Variants in EVC observed in about 807,000 individuals in gnomAD.
EVC encodes the protein evC complex member EVC.
In EVC, 116 loss-of-function variants were observed where a neutral mutation model predicts 118.9. That is an observed-to-expected ratio of 0.98 (90% confidence interval 0.84 to 1.14). The LOEUF is 1.14. Ranked by LOEUF, EVC falls within the 50% of genes most tolerant of loss-of-function variation. The pLI, the probability that EVC is intolerant of heterozygous loss-of-function variation, is 0.00. For missense variants in EVC, 1,401 were observed against 1,246.4 expected (o/e 1.12, Z -1.87); for synonymous variants, 619 against 534.7 (o/e 1.16, Z -2.18).
chr4:5,804,189 C>T (rs893634556), intron 16 of EVC, among the ~76,000 whole-genome samples: 6 of 152,150 alleles, frequency 3.9e-5, no homozygotes, highest in Admixed American at 2.0e-4. Context: ...CCACCCATCT[C>T]GGCCTCCCAA....
chr4:5,800,860 C>T (rs528117782), intron 15 of EVC, among the ~76,000 whole-genome samples: 19 of 152,132 alleles, frequency 1.2e-4, no homozygotes, highest in East Asian at 7.7e-4. Flanking sequence ...CTCCGCGCCG[C>T]GCCACACCTG....
At position 5,811,260 on chromosome 4, in the gene EVC, T is replaced by C; in HGVS notation, c.*223T>C. 1.9e-6 allele frequency: 1 copy of C among 522,154 alleles called. No homozygotes were observed. Among genetic ancestry groups the C allele is most frequent in the African/African-American group, 1.9e-5 (1 of 52,140 alleles). The allele number at this position is 522,154 out of a possible 1,614,324, so 32.3% of individuals were successfully genotyped here. A position where few individuals can be genotyped will look rare whatever the true frequency, so the allele number is the denominator to read the frequency against. ...GTCTTGGAAACACGTCTCTGTGAGT[T>C]TGCATTTCATTTGGCTTGGAGCCCT... is the stretch of plus-strand genomic sequence containing the variant. On this transcript the variant is annotated 3_prime_UTR_variant, in exon 21 of 21. Transcript: ENST00000264956.
At chr4:5,760,094 T>A (rs1053474479) in intron 11 of EVC, among the ~76,000 whole-genome samples, 1 of 152,102 alleles carries the variant, frequency 6.6e-6, no homozygotes, top group African/African-American at 2.4e-5. Flanking sequence ...GATCTGCATT[T>A]ATCTCAATGA....
Position 5,729,370 on chromosome 4 carries a change from C to A in EVC, c.364C>A (p.Pro122Thr). The A allele has an allele frequency of 6.2e-7, 1 of 1,614,056 alleles. No homozygotes were observed. ...AFALKAKVIY[P>T]INQKFRPLAD... ...CGCCCTGAAGGCCAAAGTCATCTAC[C>A]CCATCAATCAGAAGTTCCGGGTGAG... Residue 122 changes from proline to threonine, a missense_variant, in exon 3 of 21, where the codon CCC (proline) becomes ACC (threonine). Physicochemically the swap from Pro to Thr is conservative, Grantham distance 38 (BLOSUM62 -1). Transcript: ENST00000264956.
At chr4:5,774,691 CTG>C (rs1181274327) in intron 11 of EVC, among the ~76,000 whole-genome samples, 2 of 152,158 alleles carry the variant, frequency 1.3e-5, no homozygotes, top group East Asian at 3.9e-4. Context: ...TTTGCCTGGG[CTG>C]TGTGTGCTTC....
chr4:5,814,089 G>A lies in EVC; in HGVS notation c.*3052G>A, dbSNP rs1053865346. The A allele has an allele frequency of 6.6e-6, 1 of 152,350 alleles. No individual in the cohort carries two copies. The highest frequency in any genetic ancestry group is 2.4e-5 in the African/African-American group (1 of 41,474). The allele number at this position is 152,350 out of a possible 1,614,324, so 9.4% of individuals were successfully genotyped here. A position where few individuals can be genotyped will look rare whatever the true frequency, so the allele number is the denominator to read the frequency against. ...AAGGCTTGAAGGACGGAAGGGCTGA[G>A]CCACATGAAGGCAGCACTCAGGGCC... is the stretch of plus-strand genomic sequence containing the variant. On this transcript the variant is annotated 3_prime_UTR_variant, in exon 21 of 21. Coordinates refer to ENST00000264956, the MANE Select transcript of EVC (RefSeq NM_153717.3).
chr4:5,801,655 G>C, intron 15 of EVC: 4 of 360,460 alleles, frequency 1.1e-5, no homozygotes, highest in South Asian at 9.8e-5. Context: ...CTAGGCAACA[G>C]AGTGAGTCTC....
At chr4:5,770,420 G>A (rs940257379) in intron 11 of EVC, among the ~76,000 whole-genome samples, 2 of 152,118 alleles carry the variant, frequency 1.3e-5, no homozygotes, top group African/African-American at 4.8e-5. Flanking sequence ...ACATACCAGG[G>A]GCCAAGGACA....
rs971917110 is a variant in EVC at position 5,731,215 on chromosome 4, G to C, written c.385-210G>C. 6.6e-6 allele frequency among the ~76,000 whole-genome samples: 1 copy of C among 152,018 alleles called. No individual in the cohort carries two copies. Among genetic ancestry groups the C allele is most frequent in the East Asian group, 1.9e-4 (1 of 5,164 alleles). On this transcript the variant is annotated intron_variant, in intron 3 of 20. Transcript: ENST00000264956. This position sits in a 1 kb window ranked among gnomAD's most constrained non-coding sequence, Gnocchi z 5.6. The stretch of plus-strand genomic sequence containing the variant: ...TGGTGCAGAGGGGCTGGCCTTGTGA[G>C]GACAAGTGAACTGTGATTCGGGCCT...
chr4:5,793,803 A>AGTCAG, intron 13 of EVC, 86 bp downstream of exon 13: 1 of 1,012,392 alleles, frequency 9.9e-7, no homozygotes, highest in Non-Finnish European at 1.5e-6. Context: ...TACAGTGGGC[A>AGTCAG]CGCTGACTGC....
chr4:5,722,347 A>G (rs1725099637), intron 2 of EVC, among the ~76,000 whole-genome samples: 1 of 152,196 alleles, frequency 6.6e-6, no homozygotes, highest in Non-Finnish European at 1.5e-5. Context: ...GCAGATGCCC[A>G]TTATCAAGCT....
At chr4:5,821,658 C>T in the EVC span, 10 of 1,091,600 alleles carry the variant, frequency 9.2e-6, no homozygotes, top group African/African-American at 1.6e-5. This position sits in a 1 kb window ranked among gnomAD's most constrained non-coding sequence, Gnocchi z 4.4. Flanking sequence ...CCCCTCCCTC[C>T]ATCAGCACCA....
chr4:5,713,342 C>G (rs1545788), intron 1 of EVC, among the ~76,000 whole-genome samples: 103,220 of 152,030 alleles, frequency 0.68, 35,997 homozygotes, highest in African/African-American at 0.84. Flanking sequence ...CAATATGATT[C>G]TCCTGATTAA....
Position 5,752,130 on chromosome 4 carries a change from G to C in EVC, c.1099-706G>C, listed in dbSNP as rs557807743. Among the ~76,000 whole-genome samples the C allele has an allele frequency of 5.5e-4, 84 of 152,240 alleles. No individual in the cohort carries two copies. The South Asian group carries it at 0.01, about 19-fold the overall frequency. On this transcript the variant is annotated intron_variant, in intron 8 of 20. Transcript: ENST00000264956. ...AGGTGCCTAGGCCTGAGCTGGGCGT[G>C]GCTGGGAGTGGGGGGTGCAGAGTCT... is the stretch of plus-strand genomic sequence containing the variant.
In EVC at chr4:5,809,582, A is replaced by G. The variant is rs780194870; in HGVS notation, c.2753A>G (p.Lys918Arg). 1 of 1,614,186 alleles carries G rather than the reference A, an allele frequency of 6.2e-7. No homozygotes were observed. Among genetic ancestry groups the G allele is most frequent in the South Asian group, 1.1e-5 (1 of 91,084 alleles). ...ALARVPLAES[K>R]LLPAKRGLLE... Reference sequence around the variant, plus strand: ...GCCCGAGTGCCCCTTGCTGAAAGCAAACTGTTGCCTGCTAAGCGTGGGCTG... The same window carrying G: ...GCCCGAGTGCCCCTTGCTGAAAGCAGACTGTTGCCTGCTAAGCGTGGGCTG... Residue 918 changes from lysine (K) to arginine (R), a missense_variant, in exon 19 of 21, where the codon AAA becomes AGA. Coordinates refer to ENST00000264956, the MANE Select transcript of EVC (RefSeq NM_153717.3).
intron 13 of EVC, among the ~76,000 whole-genome samples, chr4:5,794,664 G>A (rs759867533): frequency 1.3e-5 from 2 of 151,756 alleles, no homozygotes; most frequent in Non-Finnish European, 2.9e-5. Flanking sequence ...ACCCACCTCA[G>A]CCTTCCAAAG....
chr4:5,720,998 CTG>C (rs1327444648), intron 2 of EVC, among the ~76,000 whole-genome samples: 1 of 152,104 alleles, frequency 6.6e-6, no homozygotes. Context: ...CCACGTGTGT[CTG>C]TGTATGTCCC....
intron 4 of EVC, among the ~76,000 whole-genome samples, chr4:5,732,932 C>A (rs1210424102): frequency 1.3e-5 from 2 of 152,180 alleles, no homozygotes; most frequent in Non-Finnish European, 2.9e-5. Context: ...ATTGCTTGAG[C>A]CCGGGAGGTG....
chr4:5,713,948 G>C (rs1024820413), intron 1 of EVC, among the ~76,000 whole-genome samples: 4 of 152,176 alleles, frequency 2.6e-5, no homozygotes, highest in African/African-American at 9.7e-5. Flanking sequence ...TTTCTAGCAT[G>C]GTGCATACAG....
Sources: allele counts gnomAD v4.1 joint callset (sites outside exome capture counted in the v4.1 genomes callset), GRCh38; gene constraint gnomAD v4.1.1; non-coding constraint Gnocchi (gnomAD v3.1); transcripts MANE v1.5; gene names NCBI Gene and HGNC (gene_info 2026-07-23, HGNC 2026-07-21).